Variants in ADAMTS3 observed in about 807,000 individuals in gnomAD.
The protein encoded by ADAMTS3 is A disintegrin and metalloproteinase with thrombospondin motifs 3.
ADAMTS3 carries 73 observed loss-of-function variants against 129.0 expected under a neutral mutation model. The ratio of observed to expected loss-of-function variants is 0.57; its 90% CI spans 0.47 to 0.69. The LOEUF is 0.69. ADAMTS3 is among the 30% of genes least tolerant of loss of function. The pLI, the probability that ADAMTS3 is intolerant of heterozygous loss-of-function variation, is 0.00. For synonymous variants in ADAMTS3, 477 were observed against 510.8 expected, an observed-to-expected ratio of 0.93 and a Z score of 0.89; for missense variants, 1,457 against 1,514.5, an observed-to-expected ratio of 0.96 and a Z score of 0.63.
intron 5 of ADAMTS3, among the ~76,000 whole-genome samples, chr4:72,328,819 C>G (rs1443500824): frequency 1.4e-4 from 22 of 152,034 alleles, no homozygotes; most frequent in Admixed American, 1.4e-3. Context: ...AACAAGATAG[C>G]CTGAGTGATT....
chr4:72,292,866 G>A (rs1362602415), intron 19 of ADAMTS3, among the ~76,000 whole-genome samples: 1 of 152,130 alleles, frequency 6.6e-6, no homozygotes, highest in African/African-American at 2.4e-5. Flanking sequence ...TAAAATGAAT[G>A]TCTCAAGGCA....
At chr4:72,545,266 C>A (rs1170600698) in intron 3 of ADAMTS3, among the ~76,000 whole-genome samples, 1 of 152,048 alleles carries the variant, frequency 6.6e-6, no homozygotes, top group Admixed American at 6.6e-5. Flanking sequence ...AAGGACTATG[C>A]CAAATCTTCC....
chr4:72,517,114 T>C (rs1481967078), intron 3 of ADAMTS3, among the ~76,000 whole-genome samples: 7 of 152,148 alleles, frequency 4.6e-5, no homozygotes, highest in Admixed American at 6.5e-5. Flanking sequence ...TTGTCTTTGG[T>C]TCTGTTTATA....
chr4:72,526,368 T>A (rs1720806706), intron 3 of ADAMTS3, among the ~76,000 whole-genome samples: 1 of 152,092 alleles, frequency 6.6e-6, no homozygotes, highest in Admixed American at 6.6e-5. Flanking sequence ...GGTACCCAAA[T>A]TTGATAGAAA....
intron 3 of ADAMTS3, among the ~76,000 whole-genome samples, chr4:72,423,404 A>C (rs534907455): frequency 6.7e-4 from 102 of 152,290 alleles, no homozygotes; most frequent in Non-Finnish European, 1.3e-3. Context: ...GTACAACAAC[A>C]TTATTTTAGT....
chr4:72,314,439 G>C (rs1719335410), intron 11 of ADAMTS3, among the ~76,000 whole-genome samples: 1 of 152,106 alleles, frequency 6.6e-6, no homozygotes, highest in Admixed American at 6.6e-5. Flanking sequence ...ATTAAGTGGG[G>C]CTACCAGAAC....
intron 3 of ADAMTS3, among the ~76,000 whole-genome samples, chr4:72,447,295 A>G (rs1387437846): frequency 6.6e-6 from 1 of 151,734 alleles, no homozygotes; most frequent in Non-Finnish European, 1.5e-5. Context: ...GCTGCCATCA[A>G]TATCATGGGA....
chr4:72,530,232 T>C (rs1720967565), intron 3 of ADAMTS3, among the ~76,000 whole-genome samples: 1 of 79,276 alleles, frequency 1.3e-5, no homozygotes, highest in Non-Finnish European at 2.2e-5. Flanking sequence ...ATATATTATA[T>C]ATATTAAATA....
chr4:72,379,645 T>C (rs1231701091), intron 4 of ADAMTS3, among the ~76,000 whole-genome samples: 1 of 152,132 alleles, frequency 6.6e-6, no homozygotes, highest in Non-Finnish European at 1.5e-5. Context: ...CATATTCCAA[T>C]TATTTATTCT....
intron 9 of ADAMTS3, among the ~76,000 whole-genome samples, chr4:72,318,965 C>T (rs928188826): frequency 6.6e-6 from 1 of 152,196 alleles, no homozygotes; most frequent in Non-Finnish European, 1.5e-5. Flanking sequence ...CTAATTAAAC[C>T]ACCACATGGT....
At chr4:72,552,984 C>T (rs1444569482) in intron 2 of ADAMTS3, among the ~76,000 whole-genome samples, 1 of 152,148 alleles carries the variant, frequency 6.6e-6, no homozygotes, top group Non-Finnish European at 1.5e-5. Flanking sequence ...TTCTCTTCAC[C>T]TCATTTCCCC....
At chr4:72,494,504 T>C (rs547050699) in intron 3 of ADAMTS3, among the ~76,000 whole-genome samples, 1 of 152,326 alleles carries the variant, frequency 6.6e-6, no homozygotes, top group Admixed American at 6.5e-5. Flanking sequence ...TTTCTATCTG[T>C]GTTCTCTTTT....
At chr4:72,546,651 C>A (rs1271312897) in intron 3 of ADAMTS3, among the ~76,000 whole-genome samples, 2 of 152,112 alleles carry the variant, frequency 1.3e-5, no homozygotes, top group African/African-American at 4.8e-5. Flanking sequence ...AATCCAATTT[C>A]TTTAGATTAT....
chr4:72,498,819 G>A (rs975113490), intron 3 of ADAMTS3, among the ~76,000 whole-genome samples: 24 of 151,922 alleles, frequency 1.6e-4, no homozygotes, highest in African/African-American at 5.8e-4. Context: ...GGCCACATTG[G>A]TAAAAGAGTG....
At chr4:72,543,681 A>C (rs1413414060) in intron 3 of ADAMTS3, among the ~76,000 whole-genome samples, 1 of 152,180 alleles carries the variant, frequency 6.6e-6, no homozygotes, top group African/African-American at 2.4e-5. Flanking sequence ...TTGTAGAGAC[A>C]GTAGAATTGT....
intron 19 of ADAMTS3, among the ~76,000 whole-genome samples, chr4:72,293,887 T>G (rs1353594514): frequency 6.6e-6 from 1 of 151,976 alleles, no homozygotes; most frequent in Non-Finnish European, 1.5e-5. Flanking sequence ...GAAATAAAAA[T>G]CAAATGCCTT....
intron 4 of ADAMTS3, among the ~76,000 whole-genome samples, chr4:72,367,702 T>C (rs1437638340): frequency 3.3e-5 from 5 of 152,048 alleles, no homozygotes; most frequent in Admixed American, 2.6e-4. Context: ...CACAAAAGAT[T>C]AGCCGGGCGT....
At chr4:72,289,561 C>T (rs1461625362) in intron 20 of ADAMTS3, among the ~76,000 whole-genome samples, 1 of 152,142 alleles carries the variant, frequency 6.6e-6, no homozygotes, top group Non-Finnish European at 1.5e-5. Flanking sequence ...TCATTATCAT[C>T]CTATGTGGGT....
In ADAMTS3 at chr4:72,339,581, G is replaced by C; in HGVS notation, c.774C>G (p.Ile258Met). 6.2e-7 allele frequency: 1 copy of C among 1,613,904 alleles called. No individual in the cohort carries two copies. The highest frequency in any genetic ancestry group is 8.5e-7 in the Non-Finnish European group (1 of 1,179,884). ...RRHAGENDYN[I>M]EVLLGVDDSV... ...AGTCATCCACTCCCAGCAGTACCTC[G>C]ATATTGTAATCGTTTTCTCCCGCGT... The change falls in exon 5 of 22, where the codon ATC (isoleucine) becomes ATG (methionine). Residue 258 changes from isoleucine to methionine, a missense_variant. Physicochemically the swap from Ile to Met is conservative, Grantham distance 10. Transcript: ENST00000286657.
Sources: allele counts gnomAD v4.1 joint callset (sites outside exome capture counted in the v4.1 genomes callset), GRCh38; gene constraint gnomAD v4.1.1; transcripts MANE v1.5; gene names NCBI Gene and HGNC (gene_info 2026-07-23, HGNC 2026-07-21).